Variants in TMEM132D observed in about 807,000 individuals in gnomAD.
TMEM132D encodes mature OL transmembrane protein.
TMEM132D carries 21 observed loss-of-function variants against 62.3 expected under a neutral mutation model. The observed-to-expected ratio is 0.34, with a 90% confidence interval of 0.24 to 0.49. The LOEUF is 0.49. Among genes scored for constraint, TMEM132D ranks in the 20% least tolerant of loss-of-function variants. TMEM132D has a pLI of 0.99. For synonymous variants in TMEM132D, 621 were observed against 575.6 expected (o/e 1.08, Z -1.13); for missense variants, 1,346 against 1,402.8 (o/e 0.96, Z 0.65).
At chr12:129,451,254 A>C (rs1470462933) in intron 3 of TMEM132D, among the ~76,000 whole-genome samples, 1 of 152,192 alleles carries the variant, frequency 6.6e-6, no homozygotes, top group Non-Finnish European at 1.5e-5. Context: ...AAAAATATAC[A>C]ACAGAAACAA....
At chr12:129,540,007 C>T (rs1230144462) in intron 2 of TMEM132D, among the ~76,000 whole-genome samples, 1 of 152,130 alleles carries the variant, frequency 6.6e-6, no homozygotes, top group African/African-American at 2.4e-5. Context: ...CCTCCTGTCT[C>T]TCCTGGAATA....
intron 4 of TMEM132D, among the ~76,000 whole-genome samples, chr12:129,310,208 G>T (rs554828282): frequency 6.6e-6 from 1 of 152,320 alleles, no homozygotes; most frequent in Admixed American, 6.5e-5. Context: ...GGCTGTGAGG[G>T]CAAGGAGGGT....
chr12:129,288,543 C>T (rs1376068634), intron 4 of TMEM132D, among the ~76,000 whole-genome samples: 1 of 152,104 alleles, frequency 6.6e-6, no homozygotes, highest in Non-Finnish European at 1.5e-5. Context: ...CAAATCAAAA[C>T]CACAATGAGA....
At chr12:129,815,529 G>A (rs1872320054) in intron 1 of TMEM132D, among the ~76,000 whole-genome samples, 1 of 152,160 alleles carries the variant, frequency 6.6e-6, no homozygotes, top group African/African-American at 2.4e-5. Flanking sequence ...CCCTGCAGGG[G>A]CCCGACTGCA....
chr12:129,872,522 T>C (rs1012318652), intron 1 of TMEM132D, among the ~76,000 whole-genome samples: 2 of 152,202 alleles, frequency 1.3e-5, no homozygotes, highest in African/African-American at 4.8e-5. Context: ...AGAACTAATG[T>C]TCTATCAAGT....
intron 5 of TMEM132D, among the ~76,000 whole-genome samples, chr12:129,206,182 A>G (rs1878842473): frequency 6.6e-6 from 1 of 152,178 alleles, no homozygotes; most frequent in African/African-American, 2.4e-5. Context: ...TACAGAATGG[A>G]AAAAAATATT....
intron 4 of TMEM132D, among the ~76,000 whole-genome samples, chr12:129,231,795 G>A (rs1879647785): frequency 2.0e-5 from 3 of 152,144 alleles, no homozygotes; most frequent in Admixed American, 2.0e-4. Context: ...ATAATTACAT[G>A]AGAAAACATG....
chr12:129,372,952 C>T (rs1391681180), intron 3 of TMEM132D, among the ~76,000 whole-genome samples: 1 of 152,118 alleles, frequency 6.6e-6, no homozygotes, highest in Non-Finnish European at 1.5e-5. Context: ...GTTCCTGGTG[C>T]GGTTCCTGGG....
chr12:129,499,680 G>A (rs1593039166), intron 3 of TMEM132D, among the ~76,000 whole-genome samples: 1 of 152,216 alleles, frequency 6.6e-6, no homozygotes, highest in East Asian at 1.9e-4. Flanking sequence ...ATGAACACGT[G>A]TTCTGGGACA....
At chr12:129,449,926 C>G (rs375054755) in intron 3 of TMEM132D, among the ~76,000 whole-genome samples, 52 of 152,250 alleles carry the variant, frequency 3.4e-4, no homozygotes, top group African/African-American at 1.2e-3. Context: ...AATTTTGACT[C>G]TAAAAGAGTT....
At chr12:129,169,228 T>A (rs1877647784) in intron 5 of TMEM132D, among the ~76,000 whole-genome samples, 1 of 152,026 alleles carries the variant, frequency 6.6e-6, no homozygotes, top group African/African-American at 2.4e-5. Flanking sequence ...CTGATGCAGC[T>A]GGTCTGGGGG....
intron 3 of TMEM132D, among the ~76,000 whole-genome samples, chr12:129,410,950 T>A (rs920617892): frequency 1.3e-5 from 2 of 151,652 alleles, no homozygotes; most frequent in Non-Finnish European, 2.9e-5. Flanking sequence ...TTTCTTATAT[T>A]TAGGTTTTCA....
At position 129,087,972 on chromosome 12, in the gene TMEM132D, C is replaced by T. The variant is rs866673229; in HGVS notation, c.1444-3270G>A. 3.5e-3 allele frequency among the ~76,000 whole-genome samples: 328 copies of T among 94,264 alleles called. 33 individuals carry two copies. The highest frequency in any genetic ancestry group is 0.012 in the African/African-American group (292 of 23,530). 61.8% of individuals were successfully genotyped at this position (94,264 alleles called of 152,430 possible). Reference sequence around the variant, plus strand: ...TGTCCTCCCTGACCGGGGTGTCCTCCATGACCGGGTGTCCTCCATGACCGG... The same window carrying T: ...TGTCCTCCCTGACCGGGGTGTCCTCTATGACCGGGTGTCCTCCATGACCGG... On this transcript the variant is annotated intron_variant, in intron 5 of 8. Coordinates refer to ENST00000422113, the MANE Select transcript of TMEM132D (RefSeq NM_133448.3).
intron 1 of TMEM132D, among the ~76,000 whole-genome samples, chr12:129,859,140 G>A (rs114849837): frequency 1.3e-5 from 2 of 152,160 alleles, no homozygotes; most frequent in African/African-American, 2.4e-5. Context: ...GTGAGGACAC[G>A]GTGAGAAGGT....
intron 2 of TMEM132D, among the ~76,000 whole-genome samples, chr12:129,568,903 A>T (rs1176746648): frequency 6.6e-6 from 1 of 152,176 alleles, no homozygotes; most frequent in Non-Finnish European, 1.5e-5. Flanking sequence ...CTCTTAAAGC[A>T]GTGACTCTCA....
At chr12:129,161,758 A>AATT (rs1420562698) in intron 5 of TMEM132D, among the ~76,000 whole-genome samples, 4 of 152,176 alleles carry the variant, frequency 2.6e-5, no homozygotes, top group Non-Finnish European at 5.9e-5. Context: ...AGAATTGCTT[A>AATT]ATTCTGAAAA....
intron 5 of TMEM132D, among the ~76,000 whole-genome samples, chr12:129,168,226 T>G (rs1386216): frequency 0.39 from 59,379 of 151,916 alleles, 12,982 homozygotes; most frequent in East Asian, 0.58. Flanking sequence ...CTATTTGGGC[T>G]CCTCAATCCA....
chr12:129,169,718 A>G (rs1877667232), intron 5 of TMEM132D, among the ~76,000 whole-genome samples: 1 of 152,168 alleles, frequency 6.6e-6, no homozygotes, highest in African/African-American at 2.4e-5. Flanking sequence ...GGGATTCAAG[A>G]AGCACTTAAA....
intron 1 of TMEM132D, among the ~76,000 whole-genome samples, chr12:129,884,975 T>A (rs186016862): frequency 6.6e-5 from 10 of 152,290 alleles, no homozygotes; most frequent in Non-Finnish European, 1.0e-4. Flanking sequence ...TACCAACAAC[T>A]TGTAAGAATA....
Sources: allele counts gnomAD v4.1 joint callset (sites outside exome capture counted in the v4.1 genomes callset), GRCh38; gene constraint gnomAD v4.1.1; transcripts MANE v1.5; gene names NCBI Gene and HGNC (gene_info 2026-07-23, HGNC 2026-07-21).